Variants in SCN2A observed in about 807,000 individuals in gnomAD.
The protein encoded by SCN2A is sodium channel protein type 2 subunit alpha.
A neutral mutation model predicts 188.7 loss-of-function variants in SCN2A; 20 were observed. The observed-to-expected ratio is 0.11, with a 90% CI of 0.07 to 0.15. The LOEUF (loss-of-function observed/expected upper bound fraction) is 0.15, where lower values mean the gene tolerates loss of function less well. Among genes scored for constraint, SCN2A ranks in the 10% least tolerant of loss-of-function variants. The probability of loss-of-function intolerance (pLI) is 1.00; values close to 1 mark genes in which losing one functional copy is unlikely to be tolerated. For synonymous variants in SCN2A, 804 were observed against 833.1 expected, an observed-to-expected ratio of 0.97 and a Z score of 0.60; for missense variants, 1,278 against 2,445.0, an observed-to-expected ratio of 0.52 and a Z score of 10.07.
intron 17 of SCN2A, among the ~76,000 whole-genome samples, chr2:165,359,338 T>C (rs1200394564): frequency 6.6e-6 from 1 of 152,130 alleles, no homozygotes; most frequent in Non-Finnish European, 1.5e-5. Flanking sequence ...ATAGCTTGTT[T>C]CTCGGAAAGA....
intron 1 of SCN2A, among the ~76,000 whole-genome samples, chr2:165,275,984 C>T (rs145699686): frequency 0.012 from 1,803 of 152,224 alleles, 31 homozygotes; most frequent in African/African-American, 0.041. Context: ...CTGCCCTCCT[C>T]GGCCTCCCAA....
intron 1 of SCN2A, among the ~76,000 whole-genome samples, chr2:165,240,552 A>G (rs1693569505): frequency 6.6e-6 from 1 of 152,090 alleles, no homozygotes; most frequent in East Asian, 1.9e-4. Flanking sequence ...ATATTTAAAA[A>G]CCACTGATTT....
intron 5 of SCN2A, chr2:165,309,040 A>G: frequency 8.6e-7 from 1 of 1,163,736 alleles, no homozygotes; most frequent in Non-Finnish European, 1.3e-6. Context: ...ATTGATGACA[A>G]TGCCATTTTC....
chr2:165,303,941 A>G (rs1051236282), intron 3 of SCN2A, among the ~76,000 whole-genome samples: 4 of 152,100 alleles, frequency 2.6e-5, no homozygotes, highest in Admixed American at 1.3e-4. Flanking sequence ...TTACTTTTTT[A>G]TATATAACTA....
chr2:165,328,817 T>C (rs927258794), intron 13 of SCN2A, among the ~76,000 whole-genome samples: 9 of 152,126 alleles, frequency 5.9e-5, no homozygotes, highest in African/African-American at 2.2e-4. Context: ...GACTTGTGTA[T>C]TTGTGAGAAA....
intron 1 of SCN2A, among the ~76,000 whole-genome samples, chr2:165,287,795 C>T (rs752933999): frequency 6.6e-6 from 1 of 152,116 alleles, no homozygotes; most frequent in Non-Finnish European, 1.5e-5. Context: ...ACTGCAAATT[C>T]TTTGTGGACC....
At chr2:165,336,647 T>A (rs1699010484) in intron 14 of SCN2A, among the ~76,000 whole-genome samples, 1 of 152,028 alleles carries the variant, frequency 6.6e-6, no homozygotes. Context: ...GAAAATGTTC[T>A]AAAATTCAAT....
At chr2:165,255,884 C>T (rs541811839) in intron 1 of SCN2A, among the ~76,000 whole-genome samples, 26 of 151,646 alleles carry the variant, frequency 1.7e-4, no homozygotes, top group East Asian at 3.9e-4. Flanking sequence ...TTTTCTTCCC[C>T]GCCCACCCCC....
rs1701917763 is a variant in SCN2A at position 165,387,117 on chromosome 2, A to G, written c.4822+101A>G. The G allele has an allele frequency of 9.1e-6, 11 of 1,208,768 alleles. No homozygotes were observed. In the Admixed American group the frequency reaches 1.8e-4, roughly 20 times the overall value. 74.9% of individuals were successfully genotyped at this position (1,208,768 alleles called of 1,614,324 possible). A position where few individuals can be genotyped will look rare whatever the true frequency, so the allele number is the denominator to read the frequency against. ...TCACTAATCTTTCTCATTCATCCCA[A>G]ACTCCCAAATAAAAATCTAATAGTC... is the stretch of plus-strand genomic sequence containing the variant. On this transcript the variant is annotated intron_variant, in intron 26 of 26. Coordinates refer to ENST00000375437, the MANE Select transcript of SCN2A (RefSeq NM_001040142.2).
chr2:165,272,158 A>G (rs1695131046), intron 1 of SCN2A: 1 of 152,138 alleles, frequency 6.6e-6, no homozygotes, highest in Non-Finnish European at 1.5e-5. Context: ...TGAAAGTAAA[A>G]AAATCAGTAA....
chr2:165,315,958 A>T (rs974420365), intron 11 of SCN2A, among the ~76,000 whole-genome samples, 200 bp downstream of exon 11: 4 of 152,132 alleles, frequency 2.6e-5, no homozygotes, highest in Non-Finnish European at 5.9e-5. Flanking sequence ...GAAATTTTAG[A>T]TCCCTCTGGG....
chr2:165,373,182 T>A (rs1266927202), intron 20 of SCN2A, 43 bp from the exon 21 acceptor site: 1 of 1,606,510 alleles, frequency 6.2e-7, no homozygotes, highest in Admixed American at 1.7e-5. Flanking sequence ...GTGTAGACAT[T>A]TTTATATGTA....
At chr2:165,326,464 T>C (rs1698365160) in intron 12 of SCN2A, among the ~76,000 whole-genome samples, 1 of 152,222 alleles carries the variant, frequency 6.6e-6, no homozygotes, top group Non-Finnish European at 1.5e-5. Context: ...TATATTAAAC[T>C]ACCTGAATAT....
At position 165,291,502 on chromosome 2, in the gene SCN2A, T is replaced by TC. The variant is rs1559340405; in HGVS notation, c.-51-4270dup. 1.2e-4 allele frequency among the ~76,000 whole-genome samples: 16 copies of TC among 134,816 alleles called. 1 individual carries two copies. The highest frequency in any genetic ancestry group is 2.2e-4 in the Non-Finnish European group (14 of 62,734). 88.4% of individuals were successfully genotyped at this position (134,816 alleles called of 152,430 possible). On this transcript the variant is annotated intron_variant, in intron 1 of 26. Coordinates refer to ENST00000375437, the MANE Select transcript of SCN2A (RefSeq NM_001040142.2). Reference sequence around the variant, plus strand: ...TCTTTCTTTCTTTCTTTTCTTTCTTTCTTTCTTTCTTCCTCTCCTTTCTTT... The same window carrying TC: ...TCTTTCTTTCTTTCTTTTCTTTCTTTCCTTTCTTTCTTCCTCTCCTTTCTTT...
At chr2:165,291,035 C>CTTTTTTTT (rs55979694) in intron 1 of SCN2A, among the ~76,000 whole-genome samples, 50 of 79,942 alleles carry the variant, frequency 6.3e-4, no homozygotes, top group East Asian at 3.6e-3. Context: ...TCTTTTCTTT[C>CTTTTTTTT]TTTTTTTTTT....
intron 1 of SCN2A, among the ~76,000 whole-genome samples, chr2:165,263,695 G>A (rs558370229): frequency 2.6e-5 from 4 of 151,704 alleles, no homozygotes; most frequent in Non-Finnish European, 5.9e-5. Flanking sequence ...CTGACTATGC[G>A]GGCTCTTTTT....
intron 1 of SCN2A, chr2:165,290,856 C>T (rs1696064525): frequency 1.2e-5 from 10 of 833,254 alleles, no homozygotes; most frequent in African/African-American, 1.9e-5. Context: ...GTATATATCC[C>T]GATATTGATA....
chr2:165,303,940 T>C (rs1365565433), intron 3 of SCN2A, among the ~76,000 whole-genome samples: 2 of 152,150 alleles, frequency 1.3e-5, no homozygotes, highest in African/African-American at 2.4e-5. Flanking sequence ...TTTACTTTTT[T>C]ATATATAACT....
At chr2:165,349,776 T>C (rs556247037) in intron 16 of SCN2A, among the ~76,000 whole-genome samples, 205 of 152,356 alleles carry the variant, frequency 1.3e-3, no homozygotes, top group Non-Finnish European at 2.2e-3. Context: ...GGTAGTCATA[T>C]ATATCATGTT....
Sources: gnomAD v4.1 joint callset for allele counts (sites outside exome capture counted in the v4.1 genomes callset) on GRCh38, gnomAD v4.1.1 for gene constraint, MANE v1.5 for transcripts, NCBI Gene and HGNC (gene_info 2026-07-23, HGNC 2026-07-21) for gene names.